ERBB4: variants seen among roughly 807,000 people sequenced by gnomAD.
The protein encoded by ERBB4 is erb-b2 receptor tyrosine kinase 4.
ERBB4 carries 42 observed loss-of-function variants against 158.0 expected under a neutral mutation model. The observed-to-expected ratio is 0.27, with a 90% CI of 0.21 to 0.34. ERBB4 has a LOEUF of 0.34. Ranked by LOEUF, ERBB4 falls within the 10% of genes least tolerant of loss-of-function variation. The pLI, the probability that ERBB4 is intolerant of heterozygous loss-of-function variation, is 1.00. For missense variants in ERBB4, 1,333 were observed against 1,624.1 expected (o/e 0.82, Z 3.08); for synonymous variants, 583 against 558.7 (o/e 1.04, Z -0.61).
At chr2:211,463,893 T>C (rs1373073466) in intron 20 of ERBB4, among the ~76,000 whole-genome samples, 1 of 152,146 alleles carries the variant, frequency 6.6e-6, no homozygotes, top group Non-Finnish European at 1.5e-5. Context: ...ATCACTCACG[T>C]TGCTGTAGCC....
intron 3 of ERBB4, among the ~76,000 whole-genome samples, chr2:211,932,173 G>C (rs1316995727): frequency 6.6e-6 from 1 of 151,988 alleles, no homozygotes; most frequent in Non-Finnish European, 1.5e-5. Flanking sequence ...GGCTGGGTTT[G>C]AATTCAAATA....
chr2:211,510,246 G>A (rs1347377704), intron 20 of ERBB4, among the ~76,000 whole-genome samples: 1 of 152,112 alleles, frequency 6.6e-6, no homozygotes, highest in East Asian at 1.9e-4. Flanking sequence ...TCACTTATAA[G>A]TGGCAGCTAA....
chr2:212,345,117 T>A (rs2088921521), intron 1 of ERBB4, among the ~76,000 whole-genome samples: 1 of 151,308 alleles, frequency 6.6e-6, no homozygotes. Flanking sequence ...TACAAAAAAA[T>A]TAGCTGGGCG....
At chr2:212,288,122 G>T (rs1238157535) in intron 1 of ERBB4, among the ~76,000 whole-genome samples, 1 of 152,154 alleles carries the variant, frequency 6.6e-6, no homozygotes, top group Non-Finnish European at 1.5e-5. Context: ...TTTTAAGATA[G>T]TAAGAGTGTC....
intron 1 of ERBB4, among the ~76,000 whole-genome samples, chr2:212,134,676 C>CTT (rs869141215): frequency 0.011 from 772 of 68,632 alleles, no homozygotes; most frequent in East Asian, 0.016. Context: ...TAAACACTTT[C>CTT]TTTTTTTTTT....
At chr2:211,404,445 T>G (rs1218282567) in intron 25 of ERBB4, among the ~76,000 whole-genome samples, 1 of 152,062 alleles carries the variant, frequency 6.6e-6, no homozygotes, top group East Asian at 1.9e-4. Flanking sequence ...GCTCTCAATA[T>G]AATAGAGAGA....
intron 20 of ERBB4, among the ~76,000 whole-genome samples, chr2:211,536,376 C>T (rs1001684899): frequency 6.4e-5 from 5 of 78,622 alleles, no homozygotes; most frequent in Non-Finnish European, 1.4e-4. Context: ...ATCAACAAAC[C>T]CTAAACTTGA....
At chr2:212,489,411 T>G (rs960191576) in intron 1 of ERBB4, among the ~76,000 whole-genome samples, 4 of 151,876 alleles carry the variant, frequency 2.6e-5, no homozygotes, top group Non-Finnish European at 1.5e-5. Context: ...AAGACTCAAG[T>G]CCTTATAGTA....
At chr2:211,871,182 G>A (rs1176606623) in intron 3 of ERBB4, among the ~76,000 whole-genome samples, 2 of 152,132 alleles carry the variant, frequency 1.3e-5, no homozygotes, top group Non-Finnish European at 2.9e-5. Context: ...ACTGCATACA[G>A]AGGTAGAAGA....
At chr2:212,076,387 A>G (rs1305063763) in intron 2 of ERBB4, among the ~76,000 whole-genome samples, 1 of 152,002 alleles carries the variant, frequency 6.6e-6, no homozygotes, top group Non-Finnish European at 1.5e-5. Flanking sequence ...TTACCATATC[A>G]TAAAGGATAT....
At chr2:211,588,963 G>C (rs558842854) in intron 19 of ERBB4, among the ~76,000 whole-genome samples, 1 of 152,030 alleles carries the variant, frequency 6.6e-6, no homozygotes, top group Non-Finnish European at 1.5e-5. Context: ...GAAGATATGA[G>C]AAAAAATATG....
intron 1 of ERBB4, among the ~76,000 whole-genome samples, chr2:212,369,354 C>A (rs2090005114): frequency 1.3e-5 from 2 of 152,092 alleles, no homozygotes; most frequent in African/African-American, 4.8e-5. Flanking sequence ...ATCTACCTGA[C>A]CCTGGTACGC....
intron 2 of ERBB4, among the ~76,000 whole-genome samples, chr2:212,036,900 C>T (rs527679197): frequency 2.0e-5 from 3 of 152,216 alleles, no homozygotes; most frequent in South Asian, 2.1e-4. Flanking sequence ...TCTCATTGTG[C>T]GTCTAAAGTT....
intron 1 of ERBB4, among the ~76,000 whole-genome samples, chr2:212,349,771 T>G (rs1167641687): frequency 6.6e-6 from 1 of 152,082 alleles, no homozygotes; most frequent in Non-Finnish European, 1.5e-5. Flanking sequence ...CCTAAAAATA[T>G]CCCATAAACT....
chr2:212,137,041 C>T (rs1327716574), intron 1 of ERBB4, among the ~76,000 whole-genome samples: 1 of 151,992 alleles, frequency 6.6e-6, no homozygotes, highest in Admixed American at 6.6e-5. Context: ...TTCCTGTGCC[C>T]AAACTCTATT....
At chr2:212,140,819 T>G (rs1459276839) in intron 1 of ERBB4, among the ~76,000 whole-genome samples, 1 of 150,500 alleles carries the variant, frequency 6.6e-6, no homozygotes, top group Non-Finnish European at 1.5e-5. Context: ...CAAACCAATT[T>G]CCCACCTGAA....
chr2:212,346,966 A>G (rs1235762529), intron 1 of ERBB4, among the ~76,000 whole-genome samples: 1 of 152,134 alleles, frequency 6.6e-6, no homozygotes, highest in East Asian at 1.9e-4. Flanking sequence ...TATTGAAAAT[A>G]AAACCATGTG....
intron 9 of ERBB4, 63 bp from the exon 10 acceptor site, chr2:211,705,454 A>C (rs2073403996): frequency 8.8e-6 from 9 of 1,022,500 alleles, no homozygotes; most frequent in African/African-American, 1.6e-5. Flanking sequence ...AAATATGAGA[A>C]ATGTGACAAT....
intron 2 of ERBB4, among the ~76,000 whole-genome samples, chr2:212,120,817 C>T (rs1339046723): frequency 6.6e-6 from 1 of 152,072 alleles, no homozygotes; most frequent in Non-Finnish European, 1.5e-5. Flanking sequence ...AAATTTGGTG[C>T]ATAAATGTAG....
Sources: allele counts gnomAD v4.1 joint callset (sites outside exome capture counted in the v4.1 genomes callset), GRCh38; gene constraint gnomAD v4.1.1; transcripts MANE v1.5; gene names NCBI Gene and HGNC (gene_info 2026-07-23, HGNC 2026-07-21).